CEACAM5: variants seen among roughly 807,000 people sequenced by gnomAD.
The protein encoded by CEACAM5 is cell adhesion molecule CEACAM5.
In CEACAM5, 52 loss-of-function variants were observed where a neutral mutation model predicts 63.0. The ratio of observed to expected loss-of-function variants is 0.83; its 90% CI spans 0.66 to 1.04. CEACAM5 has a LOEUF of 1.04. Ranked by LOEUF, CEACAM5 falls within the 50% of genes least tolerant of loss-of-function variation. The pLI, the probability that CEACAM5 is intolerant of heterozygous loss-of-function variation, is 0.00. For missense variants in CEACAM5, 790 were observed against 864.8 expected (o/e 0.91, Z 1.08); for synonymous variants, 357 against 351.3 (o/e 1.02, Z -0.18).
intron 6 of CEACAM5, among the ~76,000 whole-genome samples, chr19:41,718,922 T>G (rs1216078558): frequency 6.6e-6 from 1 of 152,172 alleles, no homozygotes; most frequent in South Asian, 2.1e-4. Flanking sequence ...GATCCGGGCA[T>G]GTGGAGAAGG....
At chr19:41,724,430 C>A (rs1175960491) in intron 8 of CEACAM5, among the ~76,000 whole-genome samples, 1 of 152,122 alleles carries the variant, frequency 6.6e-6, no homozygotes, top group Non-Finnish European at 1.5e-5. Flanking sequence ...TCTTTATTTT[C>A]CAGGTTGTTT....
At chr19:41,717,127 C>T (rs1314267405) in intron 4 of CEACAM5, among the ~76,000 whole-genome samples, 1 of 152,232 alleles carries the variant, frequency 6.6e-6, no homozygotes, top group African/African-American at 2.4e-5. Flanking sequence ...CAGGTGAGGA[C>T]CCCAATGGGC....
In CEACAM5 at chr19:41,715,669, C is replaced by G. The variant is rs139219178; in HGVS notation, c.723C>G (p.Thr241=). The change falls in exon 4 of 10, where the codon ACC becomes ACG. Residue 241 remains threonine (T), a synonymous_variant. Transcript: ENST00000221992. The stretch of plus-strand genomic sequence containing the variant: ...CTCCAGATGGCCCGGATGCCCCCAC[C>G]ATTTCCCCTCTAAACACATCTTACA... The part of the protein sequence containing the change: ...LNVLYGPDAP[T]ISPLNTSYRS... 1,601 of 1,614,194 alleles carry G rather than the reference C, an allele frequency of 9.9e-4. No homozygotes were observed. The highest frequency in any genetic ancestry group is 4.1e-3 in the Middle Eastern group (25 of 6,062).
chr19:41,723,763 C>T (rs1388887335), intron 8 of CEACAM5, among the ~76,000 whole-genome samples: 1 of 151,808 alleles, frequency 6.6e-6, no homozygotes, highest in Non-Finnish European at 1.5e-5. Flanking sequence ...CTGGCTAACA[C>T]AGTGAAACCC....
At chr19:41,715,594 G>A in intron 3 of CEACAM5, 56 bp from the exon 4 acceptor site, 1 of 1,605,126 alleles carries the variant, frequency 6.2e-7, no homozygotes, top group South Asian at 1.1e-5. Flanking sequence ...CCATAGACCA[G>A]GAACTTCCAC....
intron 2 of CEACAM5, among the ~76,000 whole-genome samples, chr19:41,710,582 C>T (rs2072420843): frequency 6.6e-6 from 1 of 152,144 alleles, no homozygotes; most frequent in Non-Finnish European, 1.5e-5. Context: ...TTCCCTGTCC[C>T]CAGAGTCTCA....
intron 1 of CEACAM5, 88 bp downstream of exon 1, chr19:41,708,883 CTGTT>C: frequency 6.6e-6 from 6 of 904,446 alleles, no homozygotes; most frequent in Non-Finnish European, 1.0e-5. Context: ...CAGAGGGCTC[CTGTT>C]GGAGCCTGAA....
At chr19:41,709,506 A>T (rs1022540191) in intron 1 of CEACAM5, among the ~76,000 whole-genome samples, 174 bp from the exon 2 acceptor site, 2 of 151,228 alleles carry the variant, frequency 1.3e-5, no homozygotes, top group Non-Finnish European at 2.9e-5. Context: ...CTAAGGAAAT[A>T]GGAGACACAC....
In CEACAM5 at chr19:41,715,701, G is replaced by A; in HGVS notation, c.755G>A (p.Gly252Glu). Residue 252 changes from glycine (G) to glutamate (E), a missense_variant, in exon 4 of 10, where the codon GGG (glycine) becomes GAG (glutamate). Physicochemically the swap from Gly to Glu is moderately conservative, Grantham distance 98. Coordinates refer to ENST00000221992, the MANE Select transcript of CEACAM5 (RefSeq NM_004363.6). ...CCTCTAAACACATCTTACAGATCAG[G>A]GGAAAATCTGAACCTCTCCTGCCAC... is the stretch of plus-strand genomic sequence containing the variant. Reference protein sequence around the residue: ...ISPLNTSYRSGENLNLSCHAA... With the variant: ...ISPLNTSYRSEENLNLSCHAA... 2 of 1,614,148 alleles carry A rather than the reference G, an allele frequency of 1.2e-6. No individual in the cohort carries two copies. Among genetic ancestry groups the A allele is most frequent in the Non-Finnish European group, 1.7e-6 (2 of 1,180,038 alleles).
intron 8 of CEACAM5, among the ~76,000 whole-genome samples, chr19:41,725,427 G>C (rs572915471): frequency 6.6e-6 from 1 of 150,952 alleles, no homozygotes; most frequent in African/African-American, 2.4e-5. Flanking sequence ...CTAGAGTGCA[G>C]TGGTGCCATC....
intron 7 of CEACAM5, 107 bp downstream of exon 7, chr19:41,720,315 C>G: frequency 7.4e-7 from 1 of 1,350,806 alleles, no homozygotes; most frequent in East Asian, 2.3e-5. Context: ...GACTCCCACC[C>G]CTGGACACCC....
At position 41,730,201 on chromosome 19, in the gene CEACAM5, A is replaced by G. The variant is rs1555817985; in HGVS notation, c.*1054A>G. On this transcript the variant is annotated 3_prime_UTR_variant, in exon 10 of 10. Transcript: ENST00000221992. ...TTTGATCCGCCGAGGCGGGCGGATC[A>G]CGAGGTCAGGAGATCCAGACCATCC... is the stretch of plus-strand genomic sequence containing the variant. Among the ~76,000 whole-genome samples the G allele has an allele frequency of 6.6e-6, 1 of 152,110 alleles. No homozygotes were observed. Among genetic ancestry groups the G allele is most frequent in the Non-Finnish European group, 1.5e-5 (1 of 68,026 alleles).
intron 2 of CEACAM5, among the ~76,000 whole-genome samples, chr19:41,711,031 C>A (rs1462659587): frequency 1.3e-5 from 2 of 152,174 alleles, no homozygotes; most frequent in Non-Finnish European, 2.9e-5. Flanking sequence ...GCCACAGCCC[C>A]CTCCTCTCCT....
intron 8 of CEACAM5, among the ~76,000 whole-genome samples, chr19:41,724,084 C>T (rs1163865699): frequency 6.6e-6 from 1 of 151,204 alleles, no homozygotes; most frequent in East Asian, 1.9e-4. Flanking sequence ...ATGTTTTCTT[C>T]TCAGAGTTTT....
intron 8 of CEACAM5, among the ~76,000 whole-genome samples, chr19:41,723,946 CA>C (rs35830094): frequency 0.09 from 9,337 of 103,794 alleles, 870 homozygotes; most frequent in African/African-American, 0.28. Flanking sequence ...GAGACTCTGT[CA>C]AAAAAAAAAA....
At chr19:41,719,557 G>A (rs2072583104) in intron 6 of CEACAM5, among the ~76,000 whole-genome samples, 1 of 152,166 alleles carries the variant, frequency 6.6e-6, no homozygotes, top group South Asian at 2.1e-4. Context: ...CCACGGTTGG[G>A]TGGTGTGGGA....
chr19:41,709,853 A>G lies in CEACAM5; in HGVS notation c.238A>G (p.Ile80Val), dbSNP rs12971352. 267,006 of 1,613,712 alleles carry G rather than the reference A, an allele frequency of 0.17. 26,088 individuals are homozygous for G. The highest frequency in any genetic ancestry group is 0.37 in the African/African-American group (27,960 of 74,812). Residue 80 changes from isoleucine to valine, a missense_variant, in exon 2 of 10, where the codon ATA becomes GTA. Physicochemically the swap from Ile to Val is conservative, Grantham distance 29. Transcript: ENST00000221992. ...GERVDGNRQI[I>V]GYVIGTQQAT... ...AAGAGTGGATGGCAACCGTCAAATT[A>G]TAGGATATGTAATAGGAACTCAACA...
intron 9 of CEACAM5, among the ~76,000 whole-genome samples, chr19:41,728,380 G>A (rs542986551): frequency 1.7e-3 from 254 of 152,246 alleles, no homozygotes; most frequent in Middle Eastern, 6.8e-3. Flanking sequence ...CCAGGCATTC[G>A]TAATTTTTAA....
At chr19:41,719,664 C>T (rs767985256) in intron 6 of CEACAM5, among the ~76,000 whole-genome samples, 43 of 152,216 alleles carry the variant, frequency 2.8e-4, no homozygotes, top group Non-Finnish European at 5.7e-4. Context: ...GGGGCTGTGA[C>T]TCCCAGTCCT....
Sources: gnomAD v4.1 joint callset for allele counts (sites outside exome capture counted in the v4.1 genomes callset) on GRCh38, gnomAD v4.1.1 for gene constraint, MANE v1.5 for transcripts, NCBI Gene and HGNC (gene_info 2026-07-23, HGNC 2026-07-21) for gene names.